Variants in EPM2AIP1 observed in about 807,000 individuals in gnomAD.
The protein encoded by EPM2AIP1 is EPM2A interacting protein 1.
Under a neutral mutation model 44.8 loss-of-function variants are expected in EPM2AIP1, and 23 were observed. That is an observed-to-expected ratio of 0.51 (90% CI 0.37 to 0.73). The LOEUF is 0.73. EPM2AIP1 is among the 30% of genes least tolerant of loss of function. The probability of loss-of-function intolerance (pLI) is 0.00; values close to 1 mark genes in which losing one functional copy is unlikely to be tolerated. For synonymous variants in EPM2AIP1, 311 were observed against 284.3 expected (o/e 1.09, Z -0.94); for missense variants, 652 against 743.9 (o/e 0.88, Z 1.44).
In EPM2AIP1 at chr3:36,986,384, G is replaced by A. The variant is rs952896596; in HGVS notation, c.*4870C>T. On this transcript the variant is annotated 3_prime_UTR_variant, in exon 1 of 1. Coordinates refer to ENST00000322716, the MANE Select transcript of EPM2AIP1 (RefSeq NM_014805.4). ...GAATTCAAATTCAAGTACTTACTGG[G>A]TAGGATGAGGCAACATTTTAATATC... is the stretch of plus-strand genomic sequence containing the variant. The A allele has an allele frequency of 2.0e-5, 3 of 152,158 alleles. No homozygotes were observed. The highest frequency in any genetic ancestry group is 7.2e-5 in the African/African-American group (3 of 41,420). The allele number at this position is 152,158 out of a possible 1,614,324, so 9.4% of individuals were successfully genotyped here.
chr3:36,990,334 A>T lies in EPM2AIP1; in HGVS notation c.*920T>A. On this transcript the variant is annotated 3_prime_UTR_variant, in exon 1 of 1. Transcript: ENST00000322716. ...CAGGATTTTTTAAAATAAAGCAGCA[A>T]TACCCACGCAGATAAGACAAAAAAG... The T allele has an allele frequency of 1.4e-6, 1 of 740,442 alleles. No individual in the cohort carries two copies. The highest frequency in any genetic ancestry group is 1.7e-6 in the Non-Finnish European group (1 of 606,016). 45.9% of individuals were successfully genotyped at this position (740,442 alleles called of 1,614,324 possible). A position where few individuals can be genotyped will look rare whatever the true frequency, so the allele number is the denominator to read the frequency against.
At position 36,985,067 on chromosome 3, in the gene EPM2AIP1, T is replaced by A. The variant is rs1484944496; in HGVS notation, c.*6187A>T. 1 of 152,204 alleles carries A rather than the reference T, an allele frequency of 6.6e-6. No individual in the cohort carries two copies. Among genetic ancestry groups the A allele is most frequent in the Non-Finnish European group, 1.5e-5 (1 of 68,044 alleles). The allele number at this position is 152,204 out of a possible 1,614,324, so 9.4% of individuals were successfully genotyped here. ...ATCATTTTCATAGTAACTTTATTCATAATGACCACAAGCTGGAAACAACCT... is the reference window on the plus strand; with the variant it reads ...ATCATTTTCATAGTAACTTTATTCAAAATGACCACAAGCTGGAAACAACCT... On this transcript the variant is annotated 3_prime_UTR_variant, in exon 1 of 1. Coordinates refer to ENST00000322716, the MANE Select transcript of EPM2AIP1 (RefSeq NM_014805.4).
rs1341922347 is a variant in EPM2AIP1 at position 36,985,882 on chromosome 3, T to G, written c.*5372A>C. ...GGACAAGGCTATATTCCAGTAAAAC[T>G]TTATTTAGATAAATAAGGAGCTAGA... On this transcript the variant is annotated 3_prime_UTR_variant, in exon 1 of 1. Coordinates refer to ENST00000322716, the MANE Select transcript of EPM2AIP1 (RefSeq NM_014805.4). 1 of 152,248 alleles carries G rather than the reference T, an allele frequency of 6.6e-6. No homozygotes were observed. The highest frequency in any genetic ancestry group is 2.4e-5 in the African/African-American group (1 of 41,466). The allele number at this position is 152,248 out of a possible 1,614,324, so 9.4% of individuals were successfully genotyped here.
rs1484553824 is a variant in EPM2AIP1, at chr3:36,989,233, A to G, written c.*2021T>C. The G allele has an allele frequency of 5.3e-5, 8 of 152,004 alleles. No homozygotes were observed. The highest frequency in any genetic ancestry group is 5.2e-4 in the Admixed American group (8 of 15,270). 9.4% of individuals were successfully genotyped at this position (152,004 alleles called of 1,614,324 possible). A position where few individuals can be genotyped will look rare whatever the true frequency, so the allele number is the denominator to read the frequency against. ...GGTCTTCCAGTCTTTCTCTCAAGTA[A>G]TAAAGCTCTGCTGTGAATATTCAAA... On this transcript the variant is annotated 3_prime_UTR_variant, in exon 1 of 1. Transcript: ENST00000322716.
Position 36,986,974 on chromosome 3 carries a change from C to T in EPM2AIP1, c.*4280G>A, listed in dbSNP as rs2080773046. On this transcript the variant is annotated 3_prime_UTR_variant, in exon 1 of 1. Transcript: ENST00000322716. ...ACAGACTAAGGGTGTGGCTTTCCCACCTAAGCCTGAAAAGCCTCAGTTACC... is the reference window on the plus strand; with the variant it reads ...ACAGACTAAGGGTGTGGCTTTCCCATCTAAGCCTGAAAAGCCTCAGTTACC... The T allele has an allele frequency of 6.6e-6, 1 of 152,170 alleles. No homozygotes were observed. The highest frequency in any genetic ancestry group is 2.1e-4 in the South Asian group (1 of 4,824). The allele number at this position is 152,170 out of a possible 1,614,324, so 9.4% of individuals were successfully genotyped here.
At position 36,987,437 on chromosome 3, in the gene EPM2AIP1, A is replaced by AT. The variant is rs1208358499; in HGVS notation, c.*3816_*3817insA. Reference sequence around the variant, plus strand: ...AGGTTCCTTTGGAAATTTAAAAAAAAAAAAAAAATATATATATATATATGA... The same window carrying AT: ...AGGTTCCTTTGGAAATTTAAAAAAAATAAAAAAAATATATATATATATATGA... On this transcript the variant is annotated 3_prime_UTR_variant, in exon 1 of 1. Coordinates refer to ENST00000322716, the MANE Select transcript of EPM2AIP1 (RefSeq NM_014805.4). 18 of 130,596 alleles carry AT rather than the reference A, an allele frequency of 1.4e-4. No individual in the cohort carries two copies. The highest frequency in any genetic ancestry group is 3.9e-4 in the East Asian group (2 of 5,082). 8.1% of individuals were successfully genotyped at this position (130,596 alleles called of 1,614,324 possible). A position where few individuals can be genotyped will look rare whatever the true frequency, so the allele number is the denominator to read the frequency against.
chr3:36,990,497 C>G lies in EPM2AIP1; in HGVS notation c.*757G>C. 1.0e-6 allele frequency: 1 copy of G among 981,666 alleles called. No individual in the cohort carries two copies. Among genetic ancestry groups the G allele is most frequent in the South Asian group, 4.7e-5 (1 of 21,160 alleles). The allele number at this position is 981,666 out of a possible 1,614,324, so 60.8% of individuals were successfully genotyped here. ...GGCAACCATTAAGATTCTATACTTA[C>G]CATAGTCCTTTAATAGGCAAGCTGA... On this transcript the variant is annotated 3_prime_UTR_variant, in exon 1 of 1. Transcript: ENST00000322716.
rs1025634779 is a variant in EPM2AIP1 at position 36,988,988 on chromosome 3, T to C, written c.*2266A>G. ...AGTAAAATACACTTTTTTCTTTTTC[T>C]TTTTTTTTTTTTTTTTTTACAAACA... On this transcript the variant is annotated 3_prime_UTR_variant, in exon 1 of 1. Coordinates refer to ENST00000322716, the MANE Select transcript of EPM2AIP1 (RefSeq NM_014805.4). 1.1e-5 allele frequency: 1 copy of C among 88,158 alleles called. No homozygotes were observed. Among genetic ancestry groups the C allele is most frequent in the Admixed American group, 1.0e-4 (1 of 9,978 alleles). The allele number at this position is 88,158 out of a possible 1,614,324, so 5.5% of individuals were successfully genotyped here. A position where few individuals can be genotyped will look rare whatever the true frequency, so the allele number is the denominator to read the frequency against.
Sources: gnomAD v4.1 joint callset for allele counts on GRCh38, gnomAD v4.1.1 for gene constraint, MANE v1.5 for transcripts, NCBI Gene and HGNC (gene_info 2026-07-23, HGNC 2026-07-21) for gene names.